The following SRL variants were observed in gnomAD, a reference collection of about 807,000 sequenced individuals.
The protein encoded by SRL is sarcalumenin.
Under a neutral mutation model 39.5 loss-of-function variants are expected in SRL, and 23 were observed. The observed-to-expected ratio is 0.58, with a 90% CI of 0.42 to 0.82. The LOEUF is 0.82. Among genes scored for constraint, SRL ranks in the 40% least tolerant of loss-of-function variants. SRL has a pLI of 0.00. For synonymous variants in SRL, 272 were observed against 237.4 expected (o/e 1.15, Z -1.34); for missense variants, 592 against 607.8 (o/e 0.97, Z 0.27).
chr16:4,220,278 A>AACACACACACAGACACACAC (rs2052508003), intron 1 of SRL, among the ~76,000 whole-genome samples: 1 of 140,724 alleles, frequency 7.1e-6, no homozygotes, highest in African/African-American at 2.7e-5. Flanking sequence ...TCTCTACTAA[A>AACACACACACAGACACACAC]ACACACACAC....
At chr16:4,208,061 A>G (rs1412890638) in intron 1 of SRL, 4 of 455,952 alleles carry the variant, frequency 8.8e-6, no homozygotes, top group Non-Finnish European at 1.3e-5. Flanking sequence ...TCTCCAACAA[A>G]TTGCCAACAT....
intron 1 of SRL, among the ~76,000 whole-genome samples, chr16:4,216,028 C>T (rs1162350032): frequency 6.6e-6 from 1 of 151,078 alleles, no homozygotes; most frequent in African/African-American, 2.4e-5. Context: ...AGAGGGAGAC[C>T]CTGTCTCAAA....
intron 1 of SRL, chr16:4,207,599 G>A (rs1426204012): frequency 2.2e-6 from 1 of 445,746 alleles, no homozygotes; most frequent in African/African-American, 2.0e-5. Context: ...TGTCCCCTTG[G>A]ACCTCCTGGA....
rs756763066 is a variant in SRL at position 4,192,609 on chromosome 16, G to A, written c.966C>T (p.Ile322=). 8.7e-6 allele frequency: 14 copies of A among 1,614,032 alleles called. No individual in the cohort carries two copies. Among genetic ancestry groups the A allele is most frequent in the African/African-American group, 2.7e-5 (2 of 74,914 alleles). ...ISLLEDLNQV[I]ENRLENKIAF... is the part of the protein sequence containing the mutation. ...CAATCTTGTTCTCCAGTCTGTTCTC[G>A]ATCACCTGATTCAGGTCTTCTAGGA... The change falls in exon 6 of 6, where the codon ATC becomes ATT. Residue 322 remains isoleucine, a synonymous_variant. Coordinates refer to ENST00000399609, the MANE Select transcript of SRL (RefSeq NM_001098814.2). This position sits in a 1 kb window ranked among gnomAD's most constrained non-coding sequence, Gnocchi z 4.0.
chr16:4,204,829 C>T (rs192034424), intron 1 of SRL, among the ~76,000 whole-genome samples, 195 bp from the exon 2 acceptor site: 4 of 152,174 alleles, frequency 2.6e-5, no homozygotes, highest in Admixed American at 6.5e-5. Context: ...GTAGTGTATT[C>T]GCATTCGGGG....
Position 4,214,153 on chromosome 16 carries a change from G to A in SRL, c.62-9519C>T, listed in dbSNP as rs145840147. Among the ~76,000 whole-genome samples, 191 of 152,290 alleles carry A rather than the reference G, an allele frequency of 1.3e-3. 3 individuals are homozygous for A. The highest frequency in any genetic ancestry group is 0.011 in the Admixed American group (165 of 15,294). On this transcript the variant is annotated intron_variant, in intron 1 of 5. Coordinates refer to ENST00000399609, the MANE Select transcript of SRL (RefSeq NM_001098814.2). Reference sequence around the variant, plus strand: ...CTGTCTTGAAGTTGAAACTAGAGATGGAGAGAATAGAGGTCAGGACCTGTT... The same window carrying A: ...CTGTCTTGAAGTTGAAACTAGAGATAGAGAGAATAGAGGTCAGGACCTGTT...
chr16:4,204,666 C>T, intron 1 of SRL, 32 bp from the exon 2 acceptor site: 1 of 1,595,820 alleles, frequency 6.3e-7, no homozygotes, highest in Non-Finnish European at 8.6e-7. Flanking sequence ...CAAGTGAGAG[C>T]AAAGCTAACA....
chr16:4,217,532 G>A lies in SRL; in HGVS notation c.62-12898C>T, dbSNP rs186220376. 1.3e-3 allele frequency among the ~76,000 whole-genome samples: 191 copies of A among 152,288 alleles called. 3 individuals carry two copies. The highest frequency in any genetic ancestry group is 0.011 in the Admixed American group (166 of 15,294). On this transcript the variant is annotated intron_variant, in intron 1 of 5. Transcript: ENST00000399609. ...GTCTCAAAGTGCTGGGATTACAGGC[G>A]TGAGCCACTGGCCCCTCCCCTGCTG...
At chr16:4,206,416 A>G (rs1597275760) in intron 1 of SRL, among the ~76,000 whole-genome samples, 1 of 151,960 alleles carries the variant, frequency 6.6e-6, no homozygotes, top group Admixed American at 6.6e-5. Flanking sequence ...GGCACCAATC[A>G]TTCCATTAGC....
At chr16:4,202,332 G>T (rs903442502) in intron 3 of SRL, among the ~76,000 whole-genome samples, 1 of 152,190 alleles carries the variant, frequency 6.6e-6, no homozygotes, top group Non-Finnish European at 1.5e-5. Context: ...GGTGGCTCAC[G>T]CTTGTAATCC....
At chr16:4,218,691 C>T (rs1025714774) in intron 1 of SRL, among the ~76,000 whole-genome samples, 3 of 152,238 alleles carry the variant, frequency 2.0e-5, no homozygotes, top group African/African-American at 7.2e-5. Flanking sequence ...AGAGGAAATG[C>T]CACACCCAGA....
intron 1 of SRL, among the ~76,000 whole-genome samples, chr16:4,230,051 C>T (rs534867066): frequency 9.9e-5 from 15 of 152,210 alleles, no homozygotes; most frequent in African/African-American, 2.6e-4. Context: ...CCTCACCCTG[C>T]GTCAGAGACA....
intron 1 of SRL, among the ~76,000 whole-genome samples, chr16:4,210,539 G>A (rs1176347093): frequency 7.2e-6 from 1 of 139,406 alleles, no homozygotes; most frequent in Non-Finnish European, 1.5e-5. Context: ...ACCCAGGCTG[G>A]AGTGCAGTGA....
In SRL at chr16:4,201,552, T is replaced by C. The variant is rs183230421; in HGVS notation, c.259+1614A>G. Among the ~76,000 whole-genome samples the C allele has an allele frequency of 9.9e-3, 1,360 of 137,610 alleles. 363 individuals are homozygous for C. Among genetic ancestry groups the C allele is most frequent in the African/African-American group, 0.039 (1,294 of 32,916 alleles). The allele number at this position is 137,610 out of a possible 152,430, so 90.3% of individuals were successfully genotyped here. A position where few individuals can be genotyped will look rare whatever the true frequency, so the allele number is the denominator to read the frequency against. On this transcript the variant is annotated intron_variant, in intron 3 of 5. Transcript: ENST00000399609. ...TCAGCCTCCCAAACTGCTGGGACTA[T>C]AGGTGTGAGCCACTGTGCCCGGCCA... is the stretch of plus-strand genomic sequence containing the variant.
chr16:4,190,066 T>A lies in SRL; in HGVS notation c.*2087A>T. On this transcript the variant is annotated 3_prime_UTR_variant, in exon 6 of 6. Coordinates refer to ENST00000399609, the MANE Select transcript of SRL (RefSeq NM_001098814.2). ...GGATGCCCCTTGCAGAACTCACTGT[T>A]CTTTCCTGGTCGACTCGTTCCTTGG... 1 of 392,918 alleles carries A rather than the reference T, an allele frequency of 2.5e-6. No individual in the cohort carries two copies. Among genetic ancestry groups the A allele is most frequent in the Admixed American group, 4.4e-5 (1 of 22,548 alleles). 24.3% of individuals were successfully genotyped at this position (392,918 alleles called of 1,614,324 possible).
chr16:4,226,233 GT>G (rs1473257190), intron 1 of SRL, among the ~76,000 whole-genome samples: 3 of 152,172 alleles, frequency 2.0e-5, no homozygotes, highest in Non-Finnish European at 1.5e-5. Flanking sequence ...TTTCCTGTCT[GT>G]CAGGGATTGT....
Position 4,214,610 on chromosome 16 carries a change from C to T in SRL, c.62-9976G>A, listed in dbSNP as rs190627348. Among the ~76,000 whole-genome samples, 474 of 152,182 alleles carry T rather than the reference C, an allele frequency of 3.1e-3. 1 individual carries two copies. The highest frequency in any genetic ancestry group is 0.011 in the African/African-American group (443 of 41,510). ...GCAATTCAGAAAACAGAGTTCATGC[C>T]GCAGAGCAGGCAGCCTGCCCCCTTC... On this transcript the variant is annotated intron_variant, in intron 1 of 5. Transcript: ENST00000399609.
chr16:4,238,623 C>T (rs960371365), intron 1 of SRL, among the ~76,000 whole-genome samples: 1 of 143,790 alleles, frequency 7.0e-6, no homozygotes, highest in African/African-American at 2.5e-5. Context: ...CCCGGTGCCA[C>T]TTTTTTTTTT....
At chr16:4,216,483 G>A (rs962479242) in intron 1 of SRL, among the ~76,000 whole-genome samples, 1 of 152,030 alleles carries the variant, frequency 6.6e-6, no homozygotes, top group African/African-American at 2.4e-5. Flanking sequence ...CGTTTGCCAG[G>A]CTGGTCTCAA....
Sources: allele counts gnomAD v4.1 joint callset (sites outside exome capture counted in the v4.1 genomes callset), GRCh38; gene constraint gnomAD v4.1.1; non-coding constraint Gnocchi (gnomAD v3.1); transcripts MANE v1.5; gene names NCBI Gene and HGNC (gene_info 2026-07-23, HGNC 2026-07-21).